Variants in BRD4 observed in about 807,000 individuals in gnomAD.
BRD4 encodes the protein bromodomain-containing protein 4.
Under a neutral mutation model 142.1 loss-of-function variants are expected in BRD4, and 16 were observed. That is an observed-to-expected ratio of 0.11 (90% CI 0.08 to 0.17). The LOEUF is 0.17. Among genes scored for constraint, BRD4 ranks in the 10% least tolerant of loss-of-function variants. BRD4 has a pLI of 1.00. For missense variants in BRD4, 1,424 were observed against 1,810.9 expected, an observed-to-expected ratio of 0.79 and a Z score of 3.88; for synonymous variants, 833 against 707.5, an observed-to-expected ratio of 1.18 and a Z score of -2.82.
Position 15,256,075 on chromosome 19 carries a change from G to C in BRD4, c.1740C>G (p.Asn580Lys), listed in dbSNP as rs757989076. ...CAGGGGACACAGACCTCACATTGCT[G>C]TTGCTGCTATTATTTTTCTTCGTCT... ...PKKTKKNNSSNSNVSKKEPAP... is the reference protein window; with the variant it reads ...PKKTKKNNSSKSNVSKKEPAP... Residue 580 changes from asparagine to lysine, a missense_variant, in exon 9 of 20, where the codon AAC becomes AAG. Physicochemically the swap from Asn to Lys is moderately conservative, Grantham distance 94 (BLOSUM62 0). Coordinates refer to ENST00000679869, the MANE Select transcript of BRD4 (RefSeq NM_001379291.1). The C allele has an allele frequency of 6.2e-7, 1 of 1,611,634 alleles. No individual in the cohort carries two copies. Among genetic ancestry groups the C allele is most frequent in the Admixed American group, 1.7e-5 (1 of 59,876 alleles).
At chr19:15,267,598 C>G (rs1329192673) in intron 3 of BRD4, 47 bp from the exon 4 acceptor site, 2 of 1,599,390 alleles carry the variant, frequency 1.3e-6, no homozygotes, top group Non-Finnish European at 1.7e-6. Context: ...CTCCCCTCCC[C>G]ACCTCTGTAG....
intron 13 of BRD4, 128 bp downstream of exon 13, chr19:15,244,103 C>CTTG: frequency 6.6e-6 from 10 of 1,503,792 alleles, no homozygotes; most frequent in Admixed American, 2.2e-5. Flanking sequence ...CGAGAAGCCA[C>CTTG]AGATCTTCCC....
intron 7 of BRD4, among the ~76,000 whole-genome samples, chr19:15,260,854 C>T (rs988477238): frequency 8.7e-5 from 13 of 149,334 alleles, no homozygotes; most frequent in Middle Eastern, 3.6e-3. Context: ...AGAAAATCTG[C>T]GAAAAGGAGG....
chr19:15,269,086 G>A, intron 2 of BRD4, 44 bp from the exon 3 acceptor site: 3 of 1,609,620 alleles, frequency 1.9e-6, no homozygotes, highest in Non-Finnish European at 2.5e-6. Flanking sequence ...TAGGCAGCCA[G>A]GCAGCACAAA....
intron 11 of BRD4, among the ~76,000 whole-genome samples, chr19:15,250,765 G>A (rs1184176067): frequency 2.6e-5 from 4 of 152,216 alleles, no homozygotes; most frequent in African/African-American, 9.6e-5. Flanking sequence ...TCAGCTATGT[G>A]ACAAGTGAAA....
At chr19:15,251,970 C>T (rs987138738) in intron 11 of BRD4, among the ~76,000 whole-genome samples, 14 of 152,226 alleles carry the variant, frequency 9.2e-5, no homozygotes, top group African/African-American at 3.4e-4. Context: ...TGGGAGCCAG[C>T]GGCTCTGAGA....
rs139608948 is a variant in BRD4, at chr19:15,264,103, G to A, written c.1212+301C>T. 8.3e-3 allele frequency: 2,963 copies of A among 356,914 alleles called. 19 individuals carry two copies. The highest frequency in any genetic ancestry group is 0.016 in the Middle Eastern group (21 of 1,280). 22.1% of individuals were successfully genotyped at this position (356,914 alleles called of 1,614,324 possible). On this transcript the variant is annotated intron_variant, in intron 6 of 19. Coordinates refer to ENST00000679869, the MANE Select transcript of BRD4 (RefSeq NM_001379291.1). ...CCCCAACTCCCATGGAGCATCTACT[G>A]TGTGGGCAAGGTACCTGGGGCACTG...
At chr19:15,250,176 C>A (rs1243250627) in intron 11 of BRD4, among the ~76,000 whole-genome samples, 1 of 152,186 alleles carries the variant, frequency 6.6e-6, no homozygotes, top group Non-Finnish European at 1.5e-5. Flanking sequence ...CCACAAGGCT[C>A]GCCCTCACCC....
intron 1 of BRD4, among the ~76,000 whole-genome samples, chr19:15,277,344 C>T (rs577428853): frequency 1.3e-5 from 2 of 152,292 alleles, no homozygotes; most frequent in East Asian, 1.9e-4. Flanking sequence ...AAACTGAGTG[C>T]CCAGGTGCCT....
chr19:15,290,367 G>A (rs749098929), intron 1 of BRD4, among the ~76,000 whole-genome samples: 2 of 152,142 alleles, frequency 1.3e-5, no homozygotes, highest in Non-Finnish European at 2.9e-5. Context: ...CACTAATCCT[G>A]TTACGTTAGA....
intron 14 of BRD4, 50 bp downstream of exon 14, chr19:15,242,850 T>C: frequency 1.3e-6 from 2 of 1,563,722 alleles, no homozygotes; most frequent in Middle Eastern, 1.7e-4. Flanking sequence ...AGGACAAAAC[T>C]ATAGGCCCAG....
chr19:15,251,755 T>C (rs368342193), intron 11 of BRD4, among the ~76,000 whole-genome samples: 2 of 152,092 alleles, frequency 1.3e-5, no homozygotes, highest in Non-Finnish European at 2.9e-5. Flanking sequence ...CGGCCCCTCC[T>C]GAGAGGAGAA....
intron 1 of BRD4, among the ~76,000 whole-genome samples, chr19:15,283,966 T>C (rs2047723021): frequency 6.6e-6 from 1 of 151,976 alleles, no homozygotes; most frequent in African/African-American, 2.4e-5. Flanking sequence ...AGACCTTTGA[T>C]GGGCACGAGG....
intron 3 of BRD4, among the ~76,000 whole-genome samples, chr19:15,268,582 G>C (rs1293266856): frequency 6.6e-6 from 1 of 152,082 alleles, no homozygotes; most frequent in African/African-American, 2.4e-5. Context: ...TTTGTCATGA[G>C]TCGCCACTAT....
At position 15,300,927 on chromosome 19, in the gene BRD4, A is replaced by T. The variant is rs986058096; in HGVS notation, c.-34-27794T>A. Among the ~76,000 whole-genome samples the T allele has an allele frequency of 4.3e-4, 66 of 152,246 alleles. 1 individual carries two copies. The highest frequency in any genetic ancestry group is 2.4e-4 in the Non-Finnish European group (16 of 68,040). On this transcript the variant is annotated intron_variant, in intron 1 of 19. Coordinates refer to ENST00000679869, the MANE Select transcript of BRD4 (RefSeq NM_001379291.1). ...CCAATGACCCAGCCATCTCACTTGC[A>T]GGTCTTTAACCAAAAGAAAGAAAAA... is the stretch of plus-strand genomic sequence containing the variant.
chr19:15,277,538 T>G (rs1383086886), intron 1 of BRD4, among the ~76,000 whole-genome samples: 2 of 151,688 alleles, frequency 1.3e-5, no homozygotes, highest in South Asian at 2.1e-4. Context: ...TCCCAGCACT[T>G]TGGGAGGCCA....
rs778317398 is a variant in BRD4, at chr19:15,239,816, C to A, written c.3288G>T (p.Leu1096=). ...GGGGCTGGACCACGGAGGCAGCACG[C>A]AGCTCCTGGGATGGCACAGGCACAG... ...QQNVQPKKQE[L]RAASVVQPQP... Residue 1096 remains leucine, a synonymous_variant, in exon 16 of 20, where the codon CTG becomes CTT. Coordinates refer to ENST00000679869, the MANE Select transcript of BRD4 (RefSeq NM_001379291.1). This position sits in a 1 kb window ranked among gnomAD's most constrained non-coding sequence, Gnocchi z 7.4. 2 of 1,613,714 alleles carry A rather than the reference C, an allele frequency of 1.2e-6. No individual in the cohort carries two copies. The highest frequency in any genetic ancestry group is 1.7e-6 in the Non-Finnish European group (2 of 1,179,922).
rs1426283419 is a variant in BRD4 at position 15,256,061 on chromosome 19, G to A, written c.1751+3C>T. On this transcript the variant is annotated splice_donor_region_variant and intron_variant, in intron 9 of 19. Coordinates refer to ENST00000679869, the MANE Select transcript of BRD4 (RefSeq NM_001379291.1). ...ACCCAGGACAAATTCAGGGGACACA[G>A]ACCTCACATTGCTGTTGCTGCTATT... is the stretch of plus-strand genomic sequence containing the variant. The A allele has an allele frequency of 6.2e-7, 1 of 1,610,862 alleles. No homozygotes were observed. Among genetic ancestry groups the A allele is most frequent in the Non-Finnish European group, 8.5e-7 (1 of 1,179,746 alleles).
Position 15,244,543 on chromosome 19 carries a change from G to T in BRD4, c.2269C>A (p.Pro757Thr), listed in dbSNP as rs763635623. 1.5e-5 allele frequency: 24 copies of T among 1,592,554 alleles called. No homozygotes were observed. The highest frequency in any genetic ancestry group is 2.0e-5 in the Non-Finnish European group (23 of 1,176,158). The change falls in exon 13 of 20, where the codon CCG becomes ACG. Residue 757 changes from proline to threonine, a missense_variant. Physicochemically the swap from Pro to Thr is conservative, Grantham distance 38. Around this residue, in one of 16 missense-constraint regions of BRD4, gnomAD observed 598 missense variants for 647.8 expected, o/e 0.92. Coordinates refer to ENST00000679869, the MANE Select transcript of BRD4 (RefSeq NM_001379291.1). ...QQAPAPVPQQ[P>T]PPPPQQPPPP... ...GGGGGCTGCTGGGGAGGCGGGGGCG[G>T]CTGCTGGGGCACAGGAGCCGGGGCC...
Sources: allele counts gnomAD v4.1 joint callset (sites outside exome capture counted in the v4.1 genomes callset), GRCh38; gene constraint gnomAD v4.1.1; regional missense constraint gnomAD v4.1.1; non-coding constraint Gnocchi (gnomAD v3.1); transcripts MANE v1.5; gene names NCBI Gene and HGNC (gene_info 2026-07-23, HGNC 2026-07-21).